The following CLOCK variants were observed in gnomAD, a reference collection of about 807,000 sequenced individuals.
The protein encoded by CLOCK is clock circadian regulator.
A neutral mutation model predicts 118.4 loss-of-function variants in CLOCK; 43 were observed. That is an observed-to-expected ratio of 0.36 (90% CI 0.28 to 0.47). CLOCK has a LOEUF of 0.47. Among genes scored for constraint, CLOCK ranks in the 20% least tolerant of loss-of-function variants. CLOCK has a pLI of 1.00. For missense variants in CLOCK, 846 were observed against 999.9 expected (o/e 0.85, Z 2.08); for synonymous variants, 326 against 339.2 (o/e 0.96, Z 0.43).
Position 55,432,697 on chromosome 4 carries a change from G to C in CLOCK, c.*2718C>G, listed in dbSNP as rs1352837798. 1 of 152,036 alleles carries C rather than the reference G, an allele frequency of 6.6e-6. No individual in the cohort carries two copies. Among genetic ancestry groups the C allele is most frequent in the African/African-American group, 2.4e-5 (1 of 41,410 alleles). 9.4% of individuals were successfully genotyped at this position (152,036 alleles called of 1,614,324 possible). ...AGGAAAACAAAGCAGCAAAGAGGCA[G>C]CTGGTGCTTACTACCTCTTCCACTA... On this transcript the variant is annotated 3_prime_UTR_variant, in exon 23 of 23. Coordinates refer to ENST00000513440, the MANE Select transcript of CLOCK (RefSeq NM_004898.4).
intron 3 of CLOCK, among the ~76,000 whole-genome samples, chr4:55,486,859 A>G (rs1328269581): frequency 6.6e-6 from 1 of 152,172 alleles, no homozygotes; most frequent in East Asian, 1.9e-4. Flanking sequence ...GTCACTCAAC[A>G]GGCTTTTCCT....
chr4:55,538,134 C>T (rs1021312391), intron 1 of CLOCK, among the ~76,000 whole-genome samples: 34 of 152,154 alleles, frequency 2.2e-4, no homozygotes, highest in African/African-American at 7.7e-4. Context: ...AGACTCATTA[C>T]ACTTTCTACA....
chr4:55,535,290 C>T (rs190558827), intron 1 of CLOCK, among the ~76,000 whole-genome samples: 2 of 152,212 alleles, frequency 1.3e-5, no homozygotes, highest in Admixed American at 1.3e-4. Flanking sequence ...AACATATATA[C>T]ATTATACCCC....
In CLOCK at chr4:55,443,776, T is replaced by A; in HGVS notation, c.1813A>T (p.Asn605Tyr). 6.2e-7 allele frequency: 1 copy of A among 1,614,098 alleles called. No homozygotes were observed. The highest frequency in any genetic ancestry group is 8.5e-7 in the Non-Finnish European group (1 of 1,179,974). Residue 605 changes from asparagine (N) to tyrosine (Y), a missense_variant, in exon 20 of 23, where the codon AAC becomes TAC. This residue lies in a region of CLOCK where 520 missense variants were observed against 558.0 expected (regional missense o/e 0.93). Coordinates refer to ENST00000513440, the MANE Select transcript of CLOCK (RefSeq NM_004898.4). ...GTATTCATTCCACTTTGAATCTGGT[T>A]AGTAGGAACAACTTGGCCTTGCATA... The part of the protein sequence containing the change: ...INMQGQVVPT[N>Y]QIQSGMNTGH...
At chr4:55,512,099 G>A (rs1283939233) in intron 1 of CLOCK, among the ~76,000 whole-genome samples, 3 of 151,872 alleles carry the variant, frequency 2.0e-5, no homozygotes, top group Non-Finnish European at 4.4e-5. Flanking sequence ...GATAGAAACT[G>A]TCAATTCTTT....
rs1194989570 is a variant in CLOCK, at chr4:55,448,597, C to T, written c.1539+182G>A. On this transcript the variant is annotated intron_variant, in intron 18 of 22. Transcript: ENST00000513440. ...AATTATATATGTGCGCGCGCGCACG[C>T]GCGCGTGTGTGTGTGTGTGTGTGTG... 1.2e-4 allele frequency among the ~76,000 whole-genome samples: 9 copies of T among 72,928 alleles called. No homozygotes were observed. The South Asian group carries it at 2.0e-3, about 17-fold the overall frequency. 47.8% of individuals were successfully genotyped at this position (72,928 alleles called of 152,430 possible).
chr4:55,479,446 A>G (rs1453364400), intron 5 of CLOCK, among the ~76,000 whole-genome samples, 194 bp downstream of exon 5: 3 of 152,172 alleles, frequency 2.0e-5, no homozygotes, highest in Non-Finnish European at 4.4e-5. Flanking sequence ...TAAGCAAAGC[A>G]TAATACTTTT....
At chr4:55,532,952 G>T (rs1279729035) in intron 1 of CLOCK, among the ~76,000 whole-genome samples, 1 of 152,026 alleles carries the variant, frequency 6.6e-6, no homozygotes, top group Non-Finnish European at 1.5e-5. Context: ...ACAAAACATC[G>T]CTAAAAGAAA....
At chr4:55,463,003 A>G (rs1332456145) in intron 9 of CLOCK, among the ~76,000 whole-genome samples, 1 of 152,222 alleles carries the variant, frequency 6.6e-6, no homozygotes, top group East Asian at 1.9e-4. Context: ...TCTAATAGCT[A>G]ATGGTGAAAT....
chr4:55,543,057 T>C (rs1319584091), intron 1 of CLOCK, among the ~76,000 whole-genome samples: 1 of 152,136 alleles, frequency 6.6e-6, no homozygotes, highest in Non-Finnish European at 1.5e-5. Flanking sequence ...GAAACTACGG[T>C]GTGCACCACC....
At chr4:55,448,688 C>G in intron 18 of CLOCK, 91 bp downstream of exon 18, 2 of 922,896 alleles carry the variant, frequency 2.2e-6, no homozygotes, top group Non-Finnish European at 3.3e-6. Context: ...CAGGTGCTTG[C>G]CAGCAAGCCT....
rs1310123690 is a variant in CLOCK at position 55,428,709 on chromosome 4, A to G, written c.*6706T>C. On this transcript the variant is annotated 3_prime_UTR_variant, in exon 23 of 23. Coordinates refer to ENST00000513440, the MANE Select transcript of CLOCK (RefSeq NM_004898.4). ...AAGAATATCACATTGAGAACCACAC[A>G]GAACATTATAAAGAATTTGGTGCAT... 6.6e-6 allele frequency: 1 copy of G among 152,224 alleles called. No individual in the cohort carries two copies. Among genetic ancestry groups the G allele is most frequent in the Non-Finnish European group, 1.5e-5 (1 of 68,046 alleles). The allele number at this position is 152,224 out of a possible 1,614,324, so 9.4% of individuals were successfully genotyped here. A position where few individuals can be genotyped will look rare whatever the true frequency, so the allele number is the denominator to read the frequency against.
intron 7 of CLOCK, 53 bp from the exon 8 acceptor site, chr4:55,470,859 G>T: frequency 7.8e-7 from 1 of 1,290,198 alleles, no homozygotes; most frequent in South Asian, 1.3e-5. Context: ...TATTTTGCAG[G>T]ACAGAAATAA....
At chr4:55,477,194 G>T (rs184706198) in intron 6 of CLOCK, among the ~76,000 whole-genome samples, 1 of 151,776 alleles carries the variant, frequency 6.6e-6, no homozygotes, top group African/African-American at 2.4e-5. Flanking sequence ...ATTTTTGTGA[G>T]AATTATGTAT....
At chr4:55,462,366 A>G (rs944668077) in intron 9 of CLOCK, among the ~76,000 whole-genome samples, 2 of 152,132 alleles carry the variant, frequency 1.3e-5, no homozygotes, top group African/African-American at 2.4e-5. Context: ...GACTCATTGC[A>G]AACTCAGCCT....
chr4:55,464,553 T>C (rs1725599325), intron 8 of CLOCK, among the ~76,000 whole-genome samples: 1 of 152,178 alleles, frequency 6.6e-6, no homozygotes, highest in African/African-American at 2.4e-5. Context: ...TGTGGAATCC[T>C]AGGGATGCTG....
At chr4:55,458,810 A>C in intron 11 of CLOCK, 82 bp downstream of exon 11, 1 of 910,174 alleles carries the variant, frequency 1.1e-6, no homozygotes, top group South Asian at 1.3e-5. Flanking sequence ...TAGCCATTCC[A>C]CCTCAATGTC....
rs372252992 is a variant in CLOCK at position 55,443,012 on chromosome 4, A to G, written c.1903-378T>C. ...ACAGTAATTACCAACATTTTCTGGA[A>G]TATTCAATAAACCATTATGCCCCCT... On this transcript the variant is annotated intron_variant, in intron 20 of 22. Transcript: ENST00000513440. 3.3e-5 allele frequency among the ~76,000 whole-genome samples: 5 copies of G among 152,270 alleles called. No homozygotes were observed. In the South Asian group the frequency reaches 1.0e-3, roughly 32 times the overall value.
intron 3 of CLOCK, among the ~76,000 whole-genome samples, chr4:55,486,918 C>G (rs527962133): frequency 3.9e-5 from 6 of 152,208 alleles, no homozygotes; most frequent in African/African-American, 1.2e-4. Flanking sequence ...TCGAGTTGTT[C>G]TCTATTCTTT....
Sources: allele counts gnomAD v4.1 joint callset (sites outside exome capture counted in the v4.1 genomes callset), GRCh38; gene constraint gnomAD v4.1.1; regional missense constraint gnomAD v4.1.1; transcripts MANE v1.5; gene names NCBI Gene and HGNC (gene_info 2026-07-23, HGNC 2026-07-21).